LTBP1: variants seen among roughly 807,000 people sequenced by gnomAD.
The protein encoded by LTBP1 is latent transforming growth factor beta binding protein 1.
Under a neutral mutation model 207.6 loss-of-function variants are expected in LTBP1, and 129 were observed. The ratio of observed to expected loss-of-function variants is 0.62; its 90% confidence interval spans 0.54 to 0.72. LTBP1 has a LOEUF of 0.72. LTBP1 is among the 30% of genes least tolerant of loss of function. LTBP1 has a pLI of 0.00. For synonymous variants in LTBP1, 963 were observed against 833.7 expected, an observed-to-expected ratio of 1.16 and a Z score of -2.67; for missense variants, 2,281 against 2,217.2, an observed-to-expected ratio of 1.03 and a Z score of -0.58.
At chr2:33,391,362 A>G (rs1452360336) in intron 32 of LTBP1, among the ~76,000 whole-genome samples, 1 of 151,620 alleles carries the variant, frequency 6.6e-6, no homozygotes, top group African/African-American at 2.4e-5. Flanking sequence ...ATGGACCAGA[A>G]TGCACTCACA....
chr2:32,954,124 C>T (rs960491479), intron 2 of LTBP1, among the ~76,000 whole-genome samples: 15 of 152,178 alleles, frequency 9.9e-5, no homozygotes, highest in African/African-American at 2.9e-4. Context: ...GATCTTGTGG[C>T]TCTTCCTACT....
At chr2:33,279,317 T>C (rs1390172194) in intron 18 of LTBP1, among the ~76,000 whole-genome samples, 1 of 151,834 alleles carries the variant, frequency 6.6e-6, no homozygotes. Context: ...GTCGTAGTTA[T>C]CTCCTCACAG....
chr2:33,252,131 CAG>C (rs923842580), intron 10 of LTBP1, among the ~76,000 whole-genome samples: 2 of 152,168 alleles, frequency 1.3e-5, no homozygotes, highest in Non-Finnish European at 2.9e-5. Context: ...CACTCGAAAT[CAG>C]AAACCACTTT....
intron 3 of LTBP1, among the ~76,000 whole-genome samples, chr2:33,023,647 AAACT>A (rs1217500545): frequency 6.6e-6 from 1 of 152,214 alleles, no homozygotes; most frequent in African/African-American, 2.4e-5. Context: ...TGATATTAAT[AAACT>A]ATATAGTTTG....
chr2:33,380,826 T>C (rs796136762), intron 31 of LTBP1, among the ~76,000 whole-genome samples: 2 of 152,356 alleles, frequency 1.3e-5, no homozygotes, highest in African/African-American at 4.8e-5. Flanking sequence ...GACGATGTAA[T>C]GCAACCTCCC....
In LTBP1 at chr2:33,341,729, A is replaced by AAAATATATAT. The variant is rs745445793; in HGVS notation, c.3731-1108_3731-1107insAATATATATA. Among the ~76,000 whole-genome samples, 111 of 93,608 alleles carry AAAATATATAT rather than the reference A, an allele frequency of 1.2e-3. 1 individual carries two copies. Among genetic ancestry groups the AAAATATATAT allele is most frequent in the African/African-American group, 3.4e-3 (66 of 19,628 alleles). The allele number at this position is 93,608 out of a possible 152,430, so 61.4% of individuals were successfully genotyped here. ...CCGTCTCACTCAAAAAAAAAAAAAA[A>AAAATATATAT]ATATATATATATATATGTATATTTA... On this transcript the variant is annotated intron_variant, in intron 24 of 33. Transcript: ENST00000404816.
chr2:32,962,949 A>G (rs1173861974), intron 2 of LTBP1, among the ~76,000 whole-genome samples: 1 of 152,260 alleles, frequency 6.6e-6, no homozygotes, highest in East Asian at 1.9e-4. Flanking sequence ...CTGCTCTAGC[A>G]GAACCCATCT....
intron 7 of LTBP1, among the ~76,000 whole-genome samples, chr2:33,192,516 G>C (rs550845989): frequency 4.0e-5 from 6 of 148,842 alleles, no homozygotes; most frequent in Non-Finnish European, 5.9e-5. Context: ...TTGTTGCCTG[G>C]TTTCTTAAAA....
At chr2:33,246,541 C>G (rs1007180689) in intron 10 of LTBP1, among the ~76,000 whole-genome samples, 1 of 152,048 alleles carries the variant, frequency 6.6e-6, no homozygotes, top group African/African-American at 2.4e-5. Flanking sequence ...AATGTTTGCT[C>G]TGGAGAGAGA....
chr2:33,091,962 A>G (rs2079119636), intron 3 of LTBP1, among the ~76,000 whole-genome samples: 2 of 152,168 alleles, frequency 1.3e-5, no homozygotes, highest in Non-Finnish European at 2.9e-5. Flanking sequence ...CTCAAGAGAG[A>G]GCACTGGCCA....
At chr2:33,186,334 A>G (rs755499401) in intron 5 of LTBP1, among the ~76,000 whole-genome samples, 3 of 152,190 alleles carry the variant, frequency 2.0e-5, no homozygotes, top group Non-Finnish European at 2.9e-5. Context: ...CAGGCATGCA[A>G]TGCGTAATCA....
chr2:33,144,924 T>C (rs1471588912), intron 5 of LTBP1, among the ~76,000 whole-genome samples: 1 of 152,200 alleles, frequency 6.6e-6, no homozygotes, highest in Non-Finnish European at 1.5e-5. Context: ...GAAAATGTTT[T>C]TGAGGTCAGC....
At chr2:33,325,240 A>G (rs574594393) in intron 24 of LTBP1, among the ~76,000 whole-genome samples, 1 of 152,276 alleles carries the variant, frequency 6.6e-6, no homozygotes, top group East Asian at 1.9e-4. Context: ...TCTTATTTCT[A>G]GAGGTACACT....
At chr2:33,218,208 A>G (rs1027550466) in intron 8 of LTBP1, among the ~76,000 whole-genome samples, 3 of 152,202 alleles carry the variant, frequency 2.0e-5, no homozygotes, top group Non-Finnish European at 2.9e-5. Flanking sequence ...CACTGGTTTT[A>G]TGCTGTCACA....
At position 32,950,354 on chromosome 2, in the gene LTBP1, C is replaced by T. The variant is rs551796165; in HGVS notation, c.565+1409C>T. On this transcript the variant is annotated intron_variant, in intron 2 of 33. Transcript: ENST00000404816. ...GGTGGATCACTTGAGGCCAGGAGTT[C>T]GAGACCAGCCTGGGCAGCATGGCAA... Among the ~76,000 whole-genome samples the T allele has an allele frequency of 3.9e-5, 6 of 152,014 alleles. No individual in the cohort carries two copies. The East Asian group carries it at 7.8e-4, about 20-fold the overall frequency.
chr2:33,094,130 A>AT lies in LTBP1; in HGVS notation c.864-16445dup, dbSNP rs558235913. On this transcript the variant is annotated intron_variant, in intron 3 of 33. Transcript: ENST00000404816. ...TTTTCATATTTGCAGACTATTTACA[A>AT]TTTTTTTATTAATAGTTCTGCAAAA... Among the ~76,000 whole-genome samples the AT allele has an allele frequency of 4.3e-3, 656 of 152,180 alleles. 5 individuals carry two copies. Among genetic ancestry groups the AT allele is most frequent in the African/African-American group, 0.014 (599 of 41,532 alleles).
intron 3 of LTBP1, among the ~76,000 whole-genome samples, chr2:33,039,879 G>A (rs985981221): frequency 1.3e-5 from 2 of 152,136 alleles, no homozygotes; most frequent in African/African-American, 4.8e-5. Flanking sequence ...GGTTGCTTAC[G>A]GTTGAGGTTT....
intron 26 of LTBP1, among the ~76,000 whole-genome samples, chr2:33,355,982 C>T (rs1177429637): frequency 1.3e-5 from 2 of 151,136 alleles, no homozygotes; most frequent in African/African-American, 4.9e-5. Context: ...CATGTTTTAC[C>T]ATCTGAAGTT....
At chr2:33,103,495 T>G (rs2079865391) in intron 3 of LTBP1, among the ~76,000 whole-genome samples, 1 of 152,142 alleles carries the variant, frequency 6.6e-6, no homozygotes, top group African/African-American at 2.4e-5. Context: ...AGTCTCTTCA[T>G]CAGCAGCCTG....
Sources: allele counts gnomAD v4.1 joint callset (sites outside exome capture counted in the v4.1 genomes callset), GRCh38; gene constraint gnomAD v4.1.1; transcripts MANE v1.5; gene names NCBI Gene and HGNC (gene_info 2026-07-23, HGNC 2026-07-21).